ZNF407: variants seen among roughly 807,000 people sequenced by gnomAD.
ZNF407 encodes the protein zinc finger protein 407.
ZNF407 carries 17 observed loss-of-function variants against 131.2 expected under a neutral mutation model. The ratio of observed to expected loss-of-function variants is 0.13; its 90% CI spans 0.09 to 0.19. ZNF407 has a LOEUF of 0.19. Ranked by LOEUF, ZNF407 falls within the 10% of genes least tolerant of loss-of-function variation. The pLI is 1.00. For synonymous variants in ZNF407, 1,156 were observed against 1,062.0 expected, an observed-to-expected ratio of 1.09 and a Z score of -1.72; for missense variants, 2,681 against 2,830.6, an observed-to-expected ratio of 0.95 and a Z score of 1.20.
At chr18:75,053,216 C>G (rs912594690) in intron 8 of ZNF407, among the ~76,000 whole-genome samples, 15 of 152,154 alleles carry the variant, frequency 9.9e-5, no homozygotes, top group Non-Finnish European at 1.9e-4. Context: ...ACAGTGAGGC[C>G]TTAGTGCCGG....
At chr18:74,706,142 T>G (rs1446673997) in intron 3 of ZNF407, among the ~76,000 whole-genome samples, 1 of 152,232 alleles carries the variant, frequency 6.6e-6, no homozygotes, top group African/African-American at 2.4e-5. Flanking sequence ...ATGTTGACAA[T>G]GAATTATGCA....
intron 4 of ZNF407, among the ~76,000 whole-genome samples, chr18:74,828,224 C>T (rs1011397989): frequency 9.9e-5 from 15 of 152,148 alleles, no homozygotes; most frequent in Admixed American, 3.9e-4. Context: ...TGGTGAGGGG[C>T]ACAGAAAGTT....
intron 3 of ZNF407, among the ~76,000 whole-genome samples, chr18:74,761,111 A>G (rs570128311): frequency 1.4e-4 from 22 of 152,322 alleles, no homozygotes; most frequent in African/African-American, 4.1e-4. Context: ...CTTGAAATAC[A>G]AACAATTTTA....
chr18:75,047,366 C>T (rs916650947), intron 8 of ZNF407, among the ~76,000 whole-genome samples: 2 of 152,208 alleles, frequency 1.3e-5, no homozygotes, highest in Non-Finnish European at 2.9e-5. Context: ...CCAGGGCTGC[C>T]GTACGAGTGA....
intron 3 of ZNF407, among the ~76,000 whole-genome samples, chr18:74,706,244 CTT>C (rs1967621237): frequency 6.6e-6 from 1 of 152,150 alleles, no homozygotes; most frequent in African/African-American, 2.4e-5. Context: ...AGTTCACTGT[CTT>C]TTCTGCTATT....
chr18:74,638,601 A>C (rs1250230939), intron 2 of ZNF407, among the ~76,000 whole-genome samples: 1 of 152,212 alleles, frequency 6.6e-6, no homozygotes, highest in Non-Finnish European at 1.5e-5. Context: ...CTGGATTTTA[A>C]AGTCTTTGAA....
At chr18:75,032,114 G>C (rs1255949562) in intron 8 of ZNF407, among the ~76,000 whole-genome samples, 1 of 152,186 alleles carries the variant, frequency 6.6e-6, no homozygotes, top group Admixed American at 6.5e-5. Context: ...GGACCCGAGA[G>C]CTCCCCCCAC....
chr18:75,047,052 ATTTG>A (rs1449819998), intron 8 of ZNF407, among the ~76,000 whole-genome samples: 2 of 152,206 alleles, frequency 1.3e-5, no homozygotes, highest in East Asian at 1.9e-4. Context: ...TGGGATTCTG[ATTTG>A]TTTATTTATA....
intron 1 of ZNF407, among the ~76,000 whole-genome samples, chr18:74,619,996 C>G (rs1983450027): frequency 6.9e-6 from 1 of 145,656 alleles, no homozygotes; most frequent in South Asian, 2.2e-4. Flanking sequence ...CATTCCTTTC[C>G]TTTGTCCCCT....
intron 3 of ZNF407, among the ~76,000 whole-genome samples, chr18:74,737,036 A>G (rs1277929049): frequency 6.6e-6 from 1 of 152,242 alleles, no homozygotes; most frequent in Non-Finnish European, 1.5e-5. Context: ...CATTCCTGCT[A>G]GTAAAACTAG....
At chr18:74,843,415 C>T (rs1970661008) in intron 4 of ZNF407, among the ~76,000 whole-genome samples, 1 of 152,082 alleles carries the variant, frequency 6.6e-6, no homozygotes, top group African/African-American at 2.4e-5. Context: ...CCAGTGGAGA[C>T]ATATATATAT....
At position 75,037,204 on chromosome 18, in the gene ZNF407, TATC is replaced by T. The variant is rs1325747167; in HGVS notation, c.5429-25940_5429-25938del. On this transcript the variant is annotated intron_variant, in intron 8 of 8. Coordinates refer to ENST00000299687, the MANE Select transcript of ZNF407 (RefSeq NM_017757.3). ...ATATTTAGCCATTCTGAGCAATAAA[TATC>T]ATCATATTGCCTCATTTAGGTAAAT... Among the ~76,000 whole-genome samples, 103 of 152,340 alleles carry T rather than the reference TATC, an allele frequency of 6.8e-4. 3 individuals are homozygous for T. Among genetic ancestry groups the T allele is most frequent in the Non-Finnish European group, 1.2e-4 (8 of 68,024 alleles).
At chr18:74,883,528 G>A (rs1421992155) in intron 6 of ZNF407, among the ~76,000 whole-genome samples, 1 of 152,108 alleles carries the variant, frequency 6.6e-6, no homozygotes, top group Admixed American at 6.5e-5. Context: ...GACTGTCCAG[G>A]GGGCTGACAC....
At chr18:74,991,000 CG>C (rs1331629500) in intron 8 of ZNF407, among the ~76,000 whole-genome samples, 3 of 152,082 alleles carry the variant, frequency 2.0e-5, no homozygotes, top group East Asian at 3.9e-4. Context: ...TGGATGAAAT[CG>C]GAGAAGTTCA....
At chr18:74,733,773 G>A (rs887652513) in intron 3 of ZNF407, among the ~76,000 whole-genome samples, 3 of 152,194 alleles carry the variant, frequency 2.0e-5, no homozygotes, top group Non-Finnish European at 2.9e-5. Flanking sequence ...GACAATTAGT[G>A]TCGTAACAGG....
intron 1 of ZNF407, among the ~76,000 whole-genome samples, chr18:74,613,891 A>G (rs1983170777): frequency 6.6e-6 from 1 of 152,230 alleles, no homozygotes; most frequent in African/African-American, 2.4e-5. Flanking sequence ...TAGTTGGAGT[A>G]ATGCCAGTCT....
intron 3 of ZNF407, among the ~76,000 whole-genome samples, chr18:74,648,264 C>T (rs1985064570): frequency 2.0e-5 from 3 of 152,176 alleles, no homozygotes; most frequent in Admixed American, 6.5e-5. Flanking sequence ...CCATTCCAGG[C>T]GGGGGTTGCA....
chr18:75,025,051 CAT>C (rs1166507950), intron 8 of ZNF407, among the ~76,000 whole-genome samples: 33 of 152,320 alleles, frequency 2.2e-4, no homozygotes, highest in African/African-American at 7.7e-4. Context: ...CAAGTTTGCA[CAT>C]GTGACAGCTT....
At position 74,712,907 on chromosome 18, in the gene ZNF407, C is replaced by T. The variant is rs76249474; in HGVS notation, c.4803-68521C>T. On this transcript the variant is annotated intron_variant, in intron 3 of 8. Transcript: ENST00000299687. ...ATACAGAAGGAAGAAGACAGGAAGT[C>T]AGGGTTTGGTGGGAGAAAAATAGCA... Among the ~76,000 whole-genome samples the T allele has an allele frequency of 7.9e-5, 12 of 152,168 alleles. No homozygotes were observed. In the East Asian group the frequency reaches 2.3e-3, roughly 29 times the overall value.
Sources: gnomAD v4.1 joint callset for allele counts (sites outside exome capture counted in the v4.1 genomes callset) on GRCh38, gnomAD v4.1.1 for gene constraint, MANE v1.5 for transcripts, NCBI Gene and HGNC (gene_info 2026-07-23, HGNC 2026-07-21) for gene names.